Variants in CCDC7 observed in about 807,000 individuals in gnomAD.
CCDC7 encodes the protein coiled-coil domain containing 7.
CCDC7 carries 183 observed loss-of-function variants against 196.9 expected under a neutral mutation model. The ratio of observed to expected loss-of-function variants is 0.93; its 90% CI spans 0.82 to 1.05. The LOEUF is 1.05. Ranked by LOEUF, CCDC7 falls within the 50% of genes least tolerant of loss-of-function variation. The pLI, the probability that CCDC7 is intolerant of heterozygous loss-of-function variation, is 0.00. For synonymous variants in CCDC7, 525 were observed against 484.6 expected (o/e 1.08, Z -1.10); for missense variants, 1,540 against 1,482.2 (o/e 1.04, Z -0.64).
intron 41 of CCDC7, among the ~76,000 whole-genome samples, chr10:32,854,958 G>T (rs867113311): frequency 1.8e-4 from 27 of 152,252 alleles, no homozygotes; most frequent in Middle Eastern, 6.8e-3. Context: ...TGCATTAAAG[G>T]TATATATCAT....
At chr10:32,775,534 A>C (rs992888879) in intron 28 of CCDC7, among the ~76,000 whole-genome samples, 2 of 152,156 alleles carry the variant, frequency 1.3e-5, no homozygotes, top group South Asian at 2.1e-4. Flanking sequence ...TAGATCTCCA[A>C]AGTGATTTGG....
chr10:32,736,099 C>T (rs1186262593), intron 28 of CCDC7, among the ~76,000 whole-genome samples: 3 of 152,050 alleles, frequency 2.0e-5, no homozygotes, highest in Non-Finnish European at 4.4e-5. Context: ...AGTGTCAATC[C>T]TTTGATTTTG....
At chr10:32,844,610 A>G (rs2093171680) in intron 33 of CCDC7, among the ~76,000 whole-genome samples, 1 of 151,986 alleles carries the variant, frequency 6.6e-6, no homozygotes, top group Admixed American at 6.6e-5. Context: ...TATTATCATC[A>G]TAAACTTTCT....
chr10:32,511,710 G>T (rs2046236222), intron 9 of CCDC7: 7 of 1,580,676 alleles, frequency 4.4e-6, no homozygotes, highest in Non-Finnish European at 6.1e-6. Flanking sequence ...ATTTCTACTG[G>T]ATAGTCTTCA....
intron 28 of CCDC7, among the ~76,000 whole-genome samples, chr10:32,751,467 C>T (rs2075645125): frequency 6.6e-6 from 1 of 151,898 alleles, no homozygotes; most frequent in South Asian, 2.1e-4. Context: ...CCTTTGAGCA[C>T]CAGGAAGAAT....
chr10:32,816,708 T>C (rs1374245914), intron 31 of CCDC7, among the ~76,000 whole-genome samples: 1 of 152,186 alleles, frequency 6.6e-6, no homozygotes, highest in Non-Finnish European at 1.5e-5. Flanking sequence ...CCTCCGCTGC[T>C]GATACCCAGG....
In CCDC7 at chr10:32,855,172, A is replaced by G. The variant is rs143728947; in HGVS notation, c.4111+683A>G. Among the ~76,000 whole-genome samples, 1,066 of 151,566 alleles carry G rather than the reference A, an allele frequency of 7.0e-3. 13 individuals carry two copies. The highest frequency in any genetic ancestry group is 0.025 in the African/African-American group (1,018 of 41,454). Reference sequence around the variant, plus strand: ...AGGATTCAGTGCAATCTCTATTGAAATCCCAAATACTTTTTTTACAGAAAA... The same window carrying G: ...AGGATTCAGTGCAATCTCTATTGAAGTCCCAAATACTTTTTTTACAGAAAA... On this transcript the variant is annotated intron_variant, in intron 41 of 41. Transcript: ENST00000639629.
intron 20 of CCDC7, among the ~76,000 whole-genome samples, chr10:32,639,011 T>C (rs1023783941): frequency 1.1e-4 from 16 of 152,324 alleles, no homozygotes; most frequent in Non-Finnish European, 2.4e-4. Context: ...TTCTAGTTTA[T>C]TTGCATAGAG....
At chr10:32,512,491 C>G (rs1178925200) in intron 9 of CCDC7, 4 of 152,078 alleles carry the variant, frequency 2.6e-5, no homozygotes, top group African/African-American at 9.7e-5. Flanking sequence ...CAGTGATTAG[C>G]TAGGGCATAG....
intron 28 of CCDC7, among the ~76,000 whole-genome samples, chr10:32,774,217 G>A (rs544156029): frequency 3.0e-4 from 46 of 151,998 alleles, no homozygotes; most frequent in African/African-American, 1.1e-3. Context: ...TACTCAATGT[G>A]GTATCTTCAC....
At chr10:32,711,126 G>GTATA (rs375124829) in intron 24 of CCDC7, among the ~76,000 whole-genome samples, 1 of 146,678 alleles carries the variant, frequency 6.8e-6, no homozygotes, top group Admixed American at 7.0e-5. Context: ...GTGTGTGTGT[G>GTATA]TATATATATA....
intron 28 of CCDC7, among the ~76,000 whole-genome samples, chr10:32,762,580 A>G (rs906247012): frequency 6.6e-6 from 1 of 151,716 alleles, no homozygotes; most frequent in African/African-American, 2.4e-5. Context: ...TCTGGTTTCA[A>G]ATTGTATTAC....
chr10:32,624,112 C>T (rs2063710990), intron 18 of CCDC7, among the ~76,000 whole-genome samples: 2 of 152,156 alleles, frequency 1.3e-5, no homozygotes, highest in South Asian at 4.1e-4. Context: ...TTATTCAATG[C>T]ACTAGAACAT....
rs112730706 is a variant in CCDC7 at position 32,848,850 on chromosome 10, G to A, written c.3895+132G>A. On this transcript the variant is annotated intron_variant, in intron 39 of 41. Coordinates refer to ENST00000639629, the Ensembl canonical transcript of CCDC7. The stretch of plus-strand genomic sequence containing the variant: ...ATATCTTAGGAAAATTCTTACAAGC[G>A]TAAAAATAAAATGGTTTTAATTCAT... The A allele has an allele frequency of 4.4e-5, 33 of 749,632 alleles. 1 individual carries two copies. The highest frequency in any genetic ancestry group is 1.8e-4 in the South Asian group (10 of 54,186). The allele number at this position is 749,632 out of a possible 1,614,324, so 46.4% of individuals were successfully genotyped here.
At chr10:32,574,333 CAT>C (rs2057938279) in intron 16 of CCDC7, 1 of 574,844 alleles carries the variant, frequency 1.7e-6, no homozygotes, top group East Asian at 6.0e-5. Flanking sequence ...TAATATATTA[CAT>C]ATTATATTAT....
intron 18 of CCDC7, among the ~76,000 whole-genome samples, chr10:32,595,735 A>G (rs141081521): frequency 0.083 from 12,626 of 152,168 alleles, 570 homozygotes; most frequent in East Asian, 0.16. Context: ...AGATTCTGGT[A>G]TGTTGTGTCT....
intron 11 of CCDC7, among the ~76,000 whole-genome samples, chr10:32,519,209 C>T (rs2047506077): frequency 6.6e-6 from 1 of 152,004 alleles, no homozygotes; most frequent in African/African-American, 2.4e-5. Context: ...AATAGTTTTC[C>T]TTTAGGTATC....
chr10:32,635,185 A>C lies in CCDC7; in HGVS notation c.2014+27A>C, dbSNP rs2065428189. ...TAAGTAGTAAGTTTAAAATGTTATAAAATTATTTTCAATTATATTAAACAG... is the reference window on the plus strand; with the variant it reads ...TAAGTAGTAAGTTTAAAATGTTATACAATTATTTTCAATTATATTAAACAG... On this transcript the variant is annotated intron_variant, in intron 20 of 41. Coordinates refer to ENST00000639629, the Ensembl canonical transcript of CCDC7. 16 of 397,876 alleles carry C rather than the reference A, an allele frequency of 4.0e-5. No individual in the cohort carries two copies. In the East Asian group the frequency reaches 5.7e-4, roughly 14 times the overall value. The allele number at this position is 397,876 out of a possible 1,614,324, so 24.6% of individuals were successfully genotyped here. A position where few individuals can be genotyped will look rare whatever the true frequency, so the allele number is the denominator to read the frequency against.
chr10:32,839,536 A>T (rs541075355), intron 33 of CCDC7, among the ~76,000 whole-genome samples: 1 of 151,838 alleles, frequency 6.6e-6, no homozygotes, highest in East Asian at 1.9e-4. Context: ...CTAAGAAATG[A>T]GATGACACAA....
Sources: allele counts gnomAD v4.1 joint callset (sites outside exome capture counted in the v4.1 genomes callset), GRCh38; gene constraint gnomAD v4.1.1; transcripts MANE v1.5; gene names NCBI Gene and HGNC (gene_info 2026-07-23, HGNC 2026-07-21).